Variants in FRAS1 observed in about 807,000 individuals in gnomAD.
The protein encoded by FRAS1 is Fraser extracellular matrix complex subunit 1.
FRAS1 carries 290 observed loss-of-function variants against 435.2 expected under a neutral mutation model. The observed-to-expected ratio is 0.67, with a 90% CI of 0.61 to 0.73. The LOEUF (loss-of-function observed/expected upper bound fraction) is 0.73, where lower values mean the gene tolerates loss of function less well. FRAS1 is among the 30% of genes least tolerant of loss of function. FRAS1 has a pLI of 0.00. For synonymous variants in FRAS1, 1,800 were observed against 1,851.0 expected (o/e 0.97, Z 0.71); for missense variants, 4,860 against 5,001.5 (o/e 0.97, Z 0.85).
chr4:78,088,105 G>A (rs1397264478), intron 2 of FRAS1, among the ~76,000 whole-genome samples: 6 of 152,138 alleles, frequency 3.9e-5, no homozygotes, highest in Non-Finnish European at 8.8e-5. Flanking sequence ...ACAGAACAGA[G>A]CCCTCAGAAA....
intron 2 of FRAS1, among the ~76,000 whole-genome samples, chr4:78,177,396 C>T (rs916006298): frequency 1.3e-5 from 2 of 152,122 alleles, no homozygotes; most frequent in Non-Finnish European, 2.9e-5. Flanking sequence ...ATAAACACTG[C>T]CTTGGTCCAT....
At position 78,109,855 on chromosome 4, in the gene FRAS1, C is replaced by T. The variant is rs1278049229; in HGVS notation, c.108+43839C>T. 1.0e-3 allele frequency among the ~76,000 whole-genome samples: 6 copies of T among 5,786 alleles called. No homozygotes were observed. In the East Asian group the frequency reaches 0.01, roughly 10 times the overall value. 3.8% of individuals were successfully genotyped at this position (5,786 alleles called of 152,430 possible). On this transcript the variant is annotated intron_variant, in intron 2 of 73. Coordinates refer to ENST00000512123, the MANE Select transcript of FRAS1 (RefSeq NM_025074.7). ...TGATTGTTTATCTAGAAAACCCCAT[C>T]GTCTCAGCCCAAAATCTCCTTAAGC... is the stretch of plus-strand genomic sequence containing the variant.
chr4:78,316,204 G>T lies in FRAS1; in HGVS notation c.1819+470G>T, dbSNP rs1404142376. Among the ~76,000 whole-genome samples the T allele has an allele frequency of 2.0e-5, 3 of 152,266 alleles. No homozygotes were observed. The East Asian group carries it at 5.8e-4, about 29-fold the overall frequency. On this transcript the variant is annotated intron_variant, in intron 16 of 73. Coordinates refer to ENST00000512123, the MANE Select transcript of FRAS1 (RefSeq NM_025074.7). ...TGTTTTTGTGTGCTACTTATATATT[G>T]TTTCTTTCAGACTTATGCAGCCTAA...
intron 20 of FRAS1, among the ~76,000 whole-genome samples, chr4:78,356,831 A>T (rs1249446761): frequency 6.6e-6 from 1 of 152,136 alleles, no homozygotes; most frequent in South Asian, 2.1e-4. Flanking sequence ...TAAATCTATA[A>T]CAAAAACACA....
intron 2 of FRAS1, among the ~76,000 whole-genome samples, chr4:78,155,243 G>A (rs1211068058): frequency 6.6e-6 from 1 of 152,130 alleles, no homozygotes; most frequent in Non-Finnish European, 1.5e-5. Flanking sequence ...TATGTTATTG[G>A]TTAAGAGCCT....
chr4:78,333,480 C>A, intron 19 of FRAS1, 68 bp downstream of exon 19: 2 of 1,479,220 alleles, frequency 1.4e-6, no homozygotes, highest in Non-Finnish European at 1.8e-6. Context: ...TAGCCAGACA[C>A]TGTAATTAGA....
intron 69 of FRAS1, among the ~76,000 whole-genome samples, chr4:78,524,664 A>T (rs1176056605): frequency 6.6e-6 from 1 of 152,208 alleles, no homozygotes; most frequent in African/African-American, 2.4e-5. Context: ...CATTTGTTCA[A>T]CAAGTATTTA....
Position 78,333,267 on chromosome 4 carries a change from C to G in FRAS1, c.2138-5C>G, listed in dbSNP as rs1006293037. On this transcript the variant is annotated splice_region_variant and splice_polypyrimidine_tract_variant and intron_variant, in intron 18 of 73. Coordinates refer to ENST00000512123, the MANE Select transcript of FRAS1 (RefSeq NM_025074.7). ...ATTGTCTCCTTTGCTTTATCTTTCC[C>G]CCAGCTTGCCACCAGTCCTGTTTCA... is the stretch of plus-strand genomic sequence containing the variant. The G allele has an allele frequency of 6.3e-7, 1 of 1,599,760 alleles. No homozygotes were observed. The highest frequency in any genetic ancestry group is 1.3e-5 in the African/African-American group (1 of 74,326).
chr4:78,277,027 C>A (rs1425012505), intron 9 of FRAS1, among the ~76,000 whole-genome samples: 1 of 152,166 alleles, frequency 6.6e-6, no homozygotes, highest in African/African-American at 2.4e-5. Flanking sequence ...TGCACCCCTC[C>A]CCCAGCCTCA....
intron 32 of FRAS1, among the ~76,000 whole-genome samples, chr4:78,415,787 T>C (rs527495802): frequency 2.6e-4 from 39 of 152,274 alleles, no homozygotes; most frequent in African/African-American, 8.9e-4. Flanking sequence ...GAGGGATTTG[T>C]AGCAAAGAAG....
intron 2 of FRAS1, among the ~76,000 whole-genome samples, chr4:78,226,491 GC>G (rs975552695): frequency 3.3e-5 from 5 of 150,210 alleles, no homozygotes; most frequent in African/African-American, 1.2e-4. Flanking sequence ...TTTTCATTCA[GC>G]AATTTAAAGA....
At chr4:78,343,684 C>A (rs1730488181) in intron 20 of FRAS1, among the ~76,000 whole-genome samples, 1 of 152,096 alleles carries the variant, frequency 6.6e-6, no homozygotes, top group African/African-American at 2.4e-5. Context: ...ATTTAAAGAG[C>A]AACACATCTT....
intron 51 of FRAS1, among the ~76,000 whole-genome samples, chr4:78,470,691 G>A (rs1289182238): frequency 6.6e-6 from 1 of 152,196 alleles, no homozygotes; most frequent in African/African-American, 2.4e-5. Flanking sequence ...ACAGGAGAAA[G>A]TGTATAGGTT....
chr4:78,406,904 G>A (rs532147083), intron 30 of FRAS1, among the ~76,000 whole-genome samples: 20 of 152,222 alleles, frequency 1.3e-4, no homozygotes, highest in South Asian at 6.2e-4. Flanking sequence ...AATCCATAAC[G>A]TTGAAAGCAC....
chr4:78,481,656 G>A (rs1720014380), intron 56 of FRAS1, 148 bp from the exon 57 acceptor site: 1 of 813,234 alleles, frequency 1.2e-6, no homozygotes, highest in South Asian at 1.6e-5. Context: ...CCTCAGATGG[G>A]CCATAGGAGC....
At chr4:78,532,092 A>G (rs574480649) in intron 70 of FRAS1, among the ~76,000 whole-genome samples, 1 of 152,202 alleles carries the variant, frequency 6.6e-6, no homozygotes, top group East Asian at 1.9e-4. Flanking sequence ...TTTTCAAAAC[A>G]CTCCACAGTT....
intron 63 of FRAS1, among the ~76,000 whole-genome samples, chr4:78,510,557 A>G (rs937219006): frequency 1.3e-5 from 2 of 152,260 alleles, no homozygotes; most frequent in Non-Finnish European, 2.9e-5. Context: ...TGTGGCACAC[A>G]GAACTACTGA....
At chr4:78,255,137 T>G (rs1369135877) in intron 5 of FRAS1, 105 bp from the exon 6 acceptor site, 1 of 1,045,284 alleles carries the variant, frequency 9.6e-7, no homozygotes, top group Non-Finnish European at 1.5e-6. Flanking sequence ...CCTCCTTCTG[T>G]GCACTGGGCT....
At chr4:78,499,364 T>C (rs1720608504) in intron 60 of FRAS1, among the ~76,000 whole-genome samples, 1 of 152,218 alleles carries the variant, frequency 6.6e-6, no homozygotes, top group East Asian at 1.9e-4. Flanking sequence ...GGGCCTACTA[T>C]GTCTCAGTCC....
Sources: gnomAD v4.1 joint callset for allele counts (sites outside exome capture counted in the v4.1 genomes callset) on GRCh38, gnomAD v4.1.1 for gene constraint, MANE v1.5 for transcripts, NCBI Gene and HGNC (gene_info 2026-07-23, HGNC 2026-07-21) for gene names.